The following HS6ST2 variants were observed in gnomAD, a reference collection of about 807,000 sequenced individuals.
The protein encoded by HS6ST2 is heparan sulfate 6-O-sulfotransferase 2.
A neutral mutation model predicts 33.0 loss-of-function variants in HS6ST2; 17 were observed. The observed-to-expected ratio is 0.52, with a 90% CI of 0.35 to 0.77. The LOEUF (loss-of-function observed/expected upper bound fraction) is 0.77, where lower values mean the gene tolerates loss of function less well. Among genes scored for constraint, HS6ST2 ranks in the 30% least tolerant of loss-of-function variants. The probability of loss-of-function intolerance (pLI) is 0.01; values close to 1 mark genes in which losing one functional copy is unlikely to be tolerated. For synonymous variants in HS6ST2, 248 were observed against 237.1 expected (o/e 1.05, Z -0.42); for missense variants, 519 against 551.7 (o/e 0.94, Z 0.59).
At chrX:132,670,535 C>T (rs1414494291) in intron 3 of HS6ST2, among the ~76,000 whole-genome samples, 3 of 112,284 alleles carry the variant, frequency 2.7e-5, no homozygotes, top group African/African-American at 9.7e-5. Flanking sequence ...CGCGGTGGCT[C>T]ATGCCTGTAA....
chrX:132,758,290 C>A (rs1336007577), intron 2 of HS6ST2: 6 of 112,058 alleles, frequency 5.4e-5, no homozygotes, highest in Non-Finnish European at 9.4e-5. Context: ...AACTTCTTAT[C>A]TTTTTCAACA....
Position 132,830,187 on chromosome X carries a change from AAAGC to A in HS6ST2, c.948-121697_948-121694del, listed in dbSNP as rs1377799760. Reference sequence around the variant, plus strand: ...ACAAATTAATAAAATGATACTTCTCAAAGCAATTCCATACCTGCATGACTTCTCT... The same window carrying A: ...ACAAATTAATAAAATGATACTTCTCAAATTCCATACCTGCATGACTTCTCT... On this transcript the variant is annotated intron_variant, in intron 2 of 4. Transcript: ENST00000370833. 5.3e-5 allele frequency among the ~76,000 whole-genome samples: 6 copies of A among 112,447 alleles called. No homozygotes were observed. The East Asian group carries it at 1.7e-3, about 32-fold the overall frequency.
chrX:132,932,906 T>C (rs1340746072), intron 2 of HS6ST2, among the ~76,000 whole-genome samples: 1 of 106,318 alleles, frequency 9.4e-6, no homozygotes, highest in African/African-American at 3.4e-5. Context: ...CTATAATATA[T>C]ATTTATATAT....
At position 132,760,849 on chromosome X, in the gene HS6ST2, G is replaced by T. The variant is rs936526734; in HGVS notation, c.948-52355C>A. On this transcript the variant is annotated intron_variant, in intron 2 of 4. Coordinates refer to ENST00000370833, the MANE Select transcript of HS6ST2 (RefSeq NM_001394073.1). ...CCTGAGGGAAAAAAAGGAATTTGAGGCCCGGGCCAAAGGCGTTACACTTTT... is the reference window on the plus strand; with the variant it reads ...CCTGAGGGAAAAAAAGGAATTTGAGTCCCGGGCCAAAGGCGTTACACTTTT... 4.2e-4 allele frequency among the ~76,000 whole-genome samples: 47 copies of T among 111,055 alleles called. 1 individual carries two copies. Among genetic ancestry groups the T allele is most frequent in the Admixed American group, 3.7e-3 (38 of 10,405 alleles).
chrX:132,672,449 T>A lies in HS6ST2; in HGVS notation c.981-3250A>T, dbSNP rs771076267. On this transcript the variant is annotated intron_variant, in intron 3 of 4. Coordinates refer to ENST00000370833, the MANE Select transcript of HS6ST2 (RefSeq NM_001394073.1). Reference sequence around the variant, plus strand: ...CTTTCATCTTGTCTTTGAATTGTAATCTCAAACCTTATGTCCTACAATTTC... The same window carrying A: ...CTTTCATCTTGTCTTTGAATTGTAAACTCAAACCTTATGTCCTACAATTTC... 3.6e-5 allele frequency among the ~76,000 whole-genome samples: 4 copies of A among 111,560 alleles called. No individual in the cohort carries two copies. The East Asian group carries it at 1.1e-3, about 31-fold the overall frequency.
intron 2 of HS6ST2, among the ~76,000 whole-genome samples, chrX:132,891,683 G>A (rs187767589): frequency 1.5e-3 from 167 of 111,004 alleles, no homozygotes; most frequent in African/African-American, 5.0e-3. Flanking sequence ...ATGATTTCCA[G>A]TTTCATCCAT....
chrX:132,848,065 G>A (rs2065769031), intron 2 of HS6ST2, among the ~76,000 whole-genome samples: 1 of 112,066 alleles, frequency 8.9e-6, no homozygotes, highest in Non-Finnish European at 1.9e-5. Context: ...ACTTTCAAGG[G>A]ATCTTCCAGC....
intron 2 of HS6ST2, among the ~76,000 whole-genome samples, chrX:132,816,780 A>G (rs757122288): frequency 3.6e-5 from 4 of 111,456 alleles, no homozygotes; most frequent in Non-Finnish European, 7.5e-5. Flanking sequence ...ACTGCCAACA[A>G]AGAGTAATGA....
intron 2 of HS6ST2, among the ~76,000 whole-genome samples, chrX:132,860,698 A>T (rs2148416938): frequency 9.0e-6 from 1 of 110,643 alleles, no homozygotes; most frequent in South Asian, 3.9e-4. Context: ...AAATAAAAAC[A>T]AGTCCCATGA....
At chrX:132,677,730 G>A (rs2063934561) in intron 3 of HS6ST2, among the ~76,000 whole-genome samples, 1 of 112,422 alleles carries the variant, frequency 8.9e-6, no homozygotes, top group Admixed American at 9.4e-5. Context: ...GGAAACTCAA[G>A]TAGAGTAAAA....
intron 2 of HS6ST2, among the ~76,000 whole-genome samples, chrX:132,949,178 G>C (rs1269301252): frequency 9.1e-6 from 1 of 109,587 alleles, no homozygotes; most frequent in Non-Finnish European, 1.9e-5. Context: ...TGGATGTTTA[G>C]AACTATAGCC....
chrX:132,813,533 T>C (rs995826047), intron 2 of HS6ST2, among the ~76,000 whole-genome samples: 2 of 111,919 alleles, frequency 1.8e-5, no homozygotes, highest in Non-Finnish European at 1.9e-5. Flanking sequence ...TATAATAAAA[T>C]TGAATTGACT....
intron 2 of HS6ST2, among the ~76,000 whole-genome samples, chrX:132,739,344 T>C (rs2064542883): frequency 1.8e-5 from 2 of 111,345 alleles, no homozygotes; most frequent in African/African-American, 6.5e-5. Flanking sequence ...TCTAACTCCA[T>C]GAGTCCAGAA....
intron 3 of HS6ST2, among the ~76,000 whole-genome samples, chrX:132,685,453 C>T (rs930836213): frequency 1.8e-5 from 2 of 111,705 alleles, no homozygotes; most frequent in Admixed American, 9.5e-5. Context: ...CCAGTGTAGG[C>T]GGTGTGACAA....
At chrX:132,784,057 C>T (rs761732868) in intron 2 of HS6ST2, among the ~76,000 whole-genome samples, 4 of 111,204 alleles carry the variant, frequency 3.6e-5, no homozygotes, top group African/African-American at 1.3e-4. Flanking sequence ...TTGAGGCCAA[C>T]GTATACACTT....
intron 2 of HS6ST2, among the ~76,000 whole-genome samples, chrX:132,861,811 G>A (rs1036167814): frequency 1.8e-5 from 2 of 110,823 alleles, no homozygotes; most frequent in South Asian, 3.7e-4. Flanking sequence ...TTTCTTATTC[G>A]TTGCAAATAT....
At chrX:132,735,097 A>G (rs2064496115) in intron 2 of HS6ST2, 1 of 112,287 alleles carries the variant, frequency 8.9e-6, no homozygotes, top group Non-Finnish European at 1.9e-5. Flanking sequence ...CAATTTGGGA[A>G]ACCAAATTGT....
At chrX:132,637,878 ATATATATAATATTTTATATATAATAT>A (rs2063569987) in intron 4 of HS6ST2, among the ~76,000 whole-genome samples, 3 of 43,049 alleles carry the variant, frequency 7.0e-5, no homozygotes, top group Non-Finnish European at 9.5e-5. Flanking sequence ...TATATATAAT[ATATATATAATATTTTATATATAATAT>A]TATATATAAT....
At chrX:132,666,620 T>C (rs1372699872) in intron 4 of HS6ST2, among the ~76,000 whole-genome samples, 1 of 111,060 alleles carries the variant, frequency 9.0e-6, no homozygotes, top group African/African-American at 3.3e-5. Flanking sequence ...GGGACACAGG[T>C]TGGCCCGTAA....
Sources: allele counts gnomAD v4.1 joint callset (sites outside exome capture counted in the v4.1 genomes callset), GRCh38; gene constraint gnomAD v4.1.1; transcripts MANE v1.5; gene names NCBI Gene and HGNC (gene_info 2026-07-23, HGNC 2026-07-21).